The following MMP13 variants were observed in gnomAD, a reference collection of about 807,000 sequenced individuals.
MMP13 encodes the protein collagenase 3.
MMP13 carries 45 observed loss-of-function variants against 52.1 expected under a neutral mutation model. That is an observed-to-expected ratio of 0.86 (90% CI 0.68 to 1.11). MMP13 has a LOEUF of 1.11. Among genes scored for constraint, MMP13 ranks in the 50% least tolerant of loss-of-function variants. The pLI, the probability that MMP13 is intolerant of heterozygous loss-of-function variation, is 0.00. For synonymous variants in MMP13, 200 were observed against 204.4 expected (o/e 0.98, Z 0.18); for missense variants, 576 against 583.8 (o/e 0.99, Z 0.14).
intron 3 of MMP13, 30 bp downstream of exon 3, chr11:102,954,428 A>T: frequency 4.4e-6 from 7 of 1,606,352 alleles, no homozygotes; most frequent in Non-Finnish European, 6.0e-6. Flanking sequence ...AGAATATAAA[A>T]ATGTTTGTAA....
At position 102,955,517 on chromosome 11, in the gene MMP13, T is replaced by C. The variant is rs756540023; in HGVS notation, c.121-24A>G. 3.1e-6 allele frequency: 5 copies of C among 1,613,858 alleles called. No homozygotes were observed. ...CGCTAGAAAAGACACCAAAATGAAC[T>C]GCGTTTAAAAGAGAAGGACATTTCT... On this transcript the variant is annotated intron_variant, in intron 1 of 9. Transcript: ENST00000260302. The surrounding 1 kb of genome is among the most constrained non-coding windows in gnomAD (Gnocchi z 4.9).
chr11:102,953,956 A>G (rs1178727052), intron 4 of MMP13, among the ~76,000 whole-genome samples, 200 bp downstream of exon 4: 3 of 152,170 alleles, frequency 2.0e-5, no homozygotes, highest in African/African-American at 7.2e-5. Context: ...GATTAAGTAG[A>G]TTTTGTTCAT....
intron 8 of MMP13, among the ~76,000 whole-genome samples, chr11:102,946,051 A>T (rs1208447586): frequency 6.6e-6 from 1 of 152,254 alleles, no homozygotes; most frequent in African/African-American, 2.4e-5. Flanking sequence ...GTTCTTAAGC[A>T]TGAAATAAAT....
chr11:102,948,726 A>G lies in MMP13; in HGVS notation c.1051+299T>C, dbSNP rs11827248. Among the ~76,000 whole-genome samples the G allele has an allele frequency of 0.027, 4,056 of 152,274 alleles. 142 individuals are homozygous for G. The highest frequency in any genetic ancestry group is 0.099 in the East Asian group (514 of 5,190). ...TATTTTTTCCACTTTTTCAGAATATATTGGTATAATGTTTTCTCAATAAAC... is the reference window on the plus strand; with the variant it reads ...TATTTTTTCCACTTTTTCAGAATATGTTGGTATAATGTTTTCTCAATAAAC... On this transcript the variant is annotated intron_variant, in intron 7 of 9. Coordinates refer to ENST00000260302, the MANE Select transcript of MMP13 (RefSeq NM_002427.4).
chr11:102,950,183 C>G lies in MMP13; in HGVS notation c.844G>C (p.Asp282His). 6.2e-7 allele frequency: 1 copy of G among 1,613,828 alleles called. No homozygotes were observed. The highest frequency in any genetic ancestry group is 8.5e-7 in the Non-Finnish European group (1 of 1,179,790). ...AGGGATAAGGAAGGGTCACATTTGT[C>G]TGGCGTTTTTGGATGTTTAGGGTTG... Reference protein sequence around the residue: ...DPNPKHPKTPDKCDPSLSLDA... With the variant: ...DPNPKHPKTPHKCDPSLSLDA... Residue 282 changes from aspartate to histidine, a missense_variant, in exon 6 of 10, where the codon GAC becomes CAC. Coordinates refer to ENST00000260302, the MANE Select transcript of MMP13 (RefSeq NM_002427.4).
chr11:102,949,099 A>G lies in MMP13; in HGVS notation c.977T>C (p.Phe326Ser). ...VDAELFLTKS[F>S]WPELPNRIDA... ...AATACGGTTGGGAAGTTCTGGCCAA[A>G]ATGATTTCGTTAAAAACAGCTCCGC... is the stretch of plus-strand genomic sequence containing the variant. The change falls in exon 7 of 10, where the codon TTT becomes TCT. Residue 326 changes from phenylalanine to serine, a missense_variant. Physicochemically the swap from Phe to Ser is radical, Grantham distance 155. Transcript: ENST00000260302. The surrounding 1 kb of genome is among the most constrained non-coding windows in gnomAD (Gnocchi z 4.2). 9.3e-6 allele frequency: 15 copies of G among 1,613,894 alleles called. No homozygotes were observed. Among genetic ancestry groups the G allele is most frequent in the Non-Finnish European group, 1.3e-5 (15 of 1,179,844 alleles).
intron 9 of MMP13, chr11:102,945,208 A>G: frequency 1.4e-6 from 1 of 697,830 alleles, no homozygotes. Flanking sequence ...TGCGACAATG[A>G]ACTCCAGCCT....
At position 102,952,805 on chromosome 11, in the gene MMP13, T is replaced by C. The variant is rs916486896; in HGVS notation, c.638-632A>G. 6.6e-6 allele frequency among the ~76,000 whole-genome samples: 1 copy of C among 152,164 alleles called. No homozygotes were observed. Among genetic ancestry groups the C allele is most frequent in the Non-Finnish European group, 1.5e-5 (1 of 68,016 alleles). ...AGACTACTATGTCACTGTATTTACA[T>C]TGTTCCCTCTAAGCATTCTGTCTGC... On this transcript the variant is annotated intron_variant, in intron 4 of 9. Transcript: ENST00000260302. This position sits in a 1 kb window ranked among gnomAD's most constrained non-coding sequence, Gnocchi z 4.3.
chr11:102,952,758 G>C lies in MMP13; in HGVS notation c.638-585C>G, dbSNP rs560207730. ...GAAACAGAAACTCTAGACATGATTAGCCATCTTTTCTCTACTCTAGAAGAC... is the reference window on the plus strand; with the variant it reads ...GAAACAGAAACTCTAGACATGATTACCCATCTTTTCTCTACTCTAGAAGAC... On this transcript the variant is annotated intron_variant, in intron 4 of 9. Coordinates refer to ENST00000260302, the MANE Select transcript of MMP13 (RefSeq NM_002427.4). The surrounding 1 kb of genome is among the most constrained non-coding windows in gnomAD (Gnocchi z 4.3). 6.6e-6 allele frequency among the ~76,000 whole-genome samples: 1 copy of C among 152,084 alleles called. No homozygotes were observed. The highest frequency in any genetic ancestry group is 6.6e-5 in the Admixed American group (1 of 15,258).
chr11:102,954,906 T>C lies in MMP13; in HGVS notation c.363-300A>G, dbSNP rs627363. ...AAAGTTTAGATTACATTGATAAAGC[T>C]CAAATAAATGAAATAGCTCTGTAAA... On this transcript the variant is annotated intron_variant, in intron 2 of 9. Coordinates refer to ENST00000260302, the MANE Select transcript of MMP13 (RefSeq NM_002427.4). Among the ~76,000 whole-genome samples the C allele has an allele frequency of 0.67, 102,115 of 152,022 alleles. 34,546 individuals carry two copies. Among genetic ancestry groups the C allele is most frequent in the African/African-American group, 0.72 (29,851 of 41,476 alleles).
rs1401135079 is a variant in MMP13, at chr11:102,954,230, G to A, written c.563C>T (p.Ala188Val). Residue 188 changes from alanine (A) to valine (V), a missense_variant, in exon 4 of 10, where the codon GCT (alanine) becomes GTT (valine). Transcript: ENST00000260302. ...TCCATAATTTGGCCCAGGAGGAAAA[G>A]CATGAGCCAGCAGGCCAGAGGGCCC... is the stretch of plus-strand genomic sequence containing the variant. ...FDGPSGLLAH[A>V]FPPGPNYGGD... 6 of 1,613,592 alleles carry A rather than the reference G, an allele frequency of 3.7e-6. No individual in the cohort carries two copies. The highest frequency in any genetic ancestry group is 5.1e-6 in the Non-Finnish European group (6 of 1,179,770).
At chr11:102,947,373 C>G (rs17860573) in intron 8 of MMP13, among the ~76,000 whole-genome samples, 15 of 152,216 alleles carry the variant, frequency 9.9e-5, no homozygotes, top group Non-Finnish European at 1.5e-4. Context: ...AGCCAGGAGC[C>G]TGACCAGTGT....
intron 8 of MMP13, among the ~76,000 whole-genome samples, chr11:102,947,187 G>T (rs1312718365): frequency 2.6e-5 from 4 of 152,164 alleles, no homozygotes; most frequent in Non-Finnish European, 2.9e-5. Flanking sequence ...ATCTTTTCCT[G>T]TACTCATGCT....
chr11:102,954,234 G>C lies in MMP13; in HGVS notation c.559C>G (p.His187Asp). 2 of 1,613,698 alleles carry C rather than the reference G, an allele frequency of 1.2e-6. No homozygotes were observed. The highest frequency in any genetic ancestry group is 1.7e-6 in the Non-Finnish European group (2 of 1,179,768). Residue 187 changes from histidine (H) to aspartate (D), a missense_variant, in exon 4 of 10, where the codon CAT becomes GAT. Physicochemically the swap from His to Asp is moderately conservative, Grantham distance 81. Transcript: ENST00000260302. The part of the protein sequence containing the change: ...PFDGPSGLLA[H>D]AFPPGPNYGG... Reference sequence around the variant, plus strand: ...TAATTTGGCCCAGGAGGAAAAGCATGAGCCAGCAGGCCAGAGGGCCCATCA... The same window carrying C: ...TAATTTGGCCCAGGAGGAAAAGCATCAGCCAGCAGGCCAGAGGGCCCATCA...
chr11:102,946,697 C>G (rs1441528888), intron 8 of MMP13, among the ~76,000 whole-genome samples: 1 of 152,172 alleles, frequency 6.6e-6, no homozygotes, highest in East Asian at 1.9e-4. Flanking sequence ...ATATAAAAAA[C>G]AGCATATCTG....
chr11:102,949,083 G>A lies in MMP13; in HGVS notation c.993C>T (p.Pro331=). ...FLTKSFWPEL[P]NRIDAAYEHP... ...GCTCATATGCAGCATCAATACGGTT[G>A]GGAAGTTCTGGCCAAAATGATTTCG... The change falls in exon 7 of 10, where the codon CCC becomes CCT. Residue 331 remains proline (P), a synonymous_variant. Transcript: ENST00000260302. This position sits in a 1 kb window ranked among gnomAD's most constrained non-coding sequence, Gnocchi z 4.2. The A allele has an allele frequency of 1.2e-6, 2 of 1,613,856 alleles. No individual in the cohort carries two copies. Among genetic ancestry groups the A allele is most frequent in the African/African-American group, 1.3e-5 (1 of 75,012 alleles).
At chr11:102,945,416 G>A (rs782319537) in intron 9 of MMP13, among the ~76,000 whole-genome samples, 1 of 152,038 alleles carries the variant, frequency 6.6e-6, no homozygotes, top group Non-Finnish European at 1.5e-5. Context: ...TGAAGGTTTA[G>A]CATCTCGTAT....
Position 102,943,317 on chromosome 11 carries a change from TAA to T in MMP13, c.*947_*948del, listed in dbSNP as rs1450484615. ...TTTTAATATACATACTTCCACTTTA[TAA>T]GATATATTTTATTTCATGCTATACA... On this transcript the variant is annotated 3_prime_UTR_variant, in exon 10 of 10. Coordinates refer to ENST00000260302, the MANE Select transcript of MMP13 (RefSeq NM_002427.4). 7.9e-5 allele frequency: 12 copies of T among 152,314 alleles called. No homozygotes were observed. The highest frequency in any genetic ancestry group is 3.3e-4 in the Admixed American group (5 of 15,292). 9.4% of individuals were successfully genotyped at this position (152,314 alleles called of 1,614,324 possible). A position where few individuals can be genotyped will look rare whatever the true frequency, so the allele number is the denominator to read the frequency against.
Position 102,949,285 on chromosome 11 carries a change from G to GA in MMP13, c.918-128dup, listed in dbSNP as rs367914269. On this transcript the variant is annotated intron_variant, in intron 6 of 9. Coordinates refer to ENST00000260302, the MANE Select transcript of MMP13 (RefSeq NM_002427.4). The surrounding 1 kb of genome is among the most constrained non-coding windows in gnomAD (Gnocchi z 4.2). Reference sequence around the variant, plus strand: ...AACCAATACCTCCCACCTGTGAAGGGAAAAAAAATTCCATTACCCTTTAAG... The same window carrying GA: ...AACCAATACCTCCCACCTGTGAAGGGAAAAAAAAATTCCATTACCCTTTAAG... The GA allele has an allele frequency of 1.9e-5, 23 of 1,202,472 alleles. No homozygotes were observed. Among genetic ancestry groups the GA allele is most frequent in the East Asian group, 2.5e-5 (1 of 39,334 alleles). The allele number at this position is 1,202,472 out of a possible 1,614,324, so 74.5% of individuals were successfully genotyped here. A position where few individuals can be genotyped will look rare whatever the true frequency, so the allele number is the denominator to read the frequency against.
Sources: gnomAD v4.1 joint callset for allele counts (sites outside exome capture counted in the v4.1 genomes callset) on GRCh38, gnomAD v4.1.1 for gene constraint, Gnocchi (gnomAD v3.1) non-coding constraint, MANE v1.5 for transcripts, NCBI Gene and HGNC (gene_info 2026-07-23, HGNC 2026-07-21) for gene names.